The following ANO6 variants were observed in gnomAD, a reference collection of about 807,000 sequenced individuals.
ANO6 encodes anoctamin-6.
ANO6 carries 106 observed loss-of-function variants against 117.5 expected under a neutral mutation model. The observed-to-expected ratio is 0.90, with a 90% CI of 0.77 to 1.06. The LOEUF (loss-of-function observed/expected upper bound fraction) is 1.06, where lower values mean the gene tolerates loss of function less well. Ranked by LOEUF, ANO6 falls within the 50% of genes least tolerant of loss-of-function variation. The probability of loss-of-function intolerance (pLI) is 0.00; values close to 1 mark genes in which losing one functional copy is unlikely to be tolerated. For synonymous variants in ANO6, 367 were observed against 385.1 expected (o/e 0.95, Z 0.55); for missense variants, 955 against 1,121.1 (o/e 0.85, Z 2.12).
chr12:45,435,874 T>G (rs1180163626), downstream of ANO6, among the ~76,000 whole-genome samples: 1 of 152,162 alleles, frequency 6.6e-6, no homozygotes, highest in Non-Finnish European at 1.5e-5. Flanking sequence ...CTTCATAAAT[T>G]TTAGCAAGTT....
intron 1 of ANO6, among the ~76,000 whole-genome samples, chr12:45,242,369 A>T (rs971110746): frequency 6.6e-6 from 1 of 152,236 alleles, no homozygotes. Context: ...TGGCCGTGGG[A>T]CCTGCCAAGC....
intron 2 of ANO6, among the ~76,000 whole-genome samples, chr12:45,322,056 G>C (rs759287350): frequency 6.6e-6 from 1 of 152,098 alleles, no homozygotes; most frequent in Non-Finnish European, 1.5e-5. Flanking sequence ...TACCCACCAT[G>C]ACTTTTGCAC....
rs545655824 is a variant in ANO6, at chr12:45,253,383, A to G, written c.70+36992A>G. ...GAATTCAGAATTCTTAAATGTATAA[A>G]GTTATTCATTGTTTTAAATAGTTTA... On this transcript the variant is annotated intron_variant, in intron 1 of 19. Coordinates refer to ENST00000320560, the MANE Select transcript of ANO6 (RefSeq NM_001025356.3). Among the ~76,000 whole-genome samples the G allele has an allele frequency of 1.9e-3, 297 of 152,342 alleles. 1 individual carries two copies. The highest frequency in any genetic ancestry group is 6.8e-3 in the African/African-American group (281 of 41,574).
chr12:45,262,671 G>T (rs549293160), intron 1 of ANO6, among the ~76,000 whole-genome samples: 5 of 152,074 alleles, frequency 3.3e-5, no homozygotes, highest in African/African-American at 1.2e-4. Context: ...TGATCTGCCC[G>T]GCTCGGCCTC....
intron 3 of ANO6, among the ~76,000 whole-genome samples, chr12:45,340,749 C>T (rs1291544651): frequency 2.0e-5 from 3 of 152,044 alleles, no homozygotes; most frequent in Non-Finnish European, 4.4e-5. Flanking sequence ...ACAGCTCTAC[C>T]CTAATTTTTT....
In ANO6 at chr12:45,405,415, G is replaced by A. The variant is rs79619502; in HGVS notation, c.1880+1879G>A. On this transcript the variant is annotated intron_variant, in intron 15 of 19. Transcript: ENST00000320560. ...TTTTAAAGGATGAATTATACTATCC[G>A]TGGTTTATACTTTCACTTCAAGTAA... 9.5e-3 allele frequency among the ~76,000 whole-genome samples: 1,439 copies of A among 152,216 alleles called. 27 individuals carry two copies. Among genetic ancestry groups the A allele is most frequent in the African/African-American group, 0.033 (1,350 of 41,518 alleles).
At chr12:45,245,383 C>T (rs1339728230) in intron 1 of ANO6, among the ~76,000 whole-genome samples, 1 of 150,530 alleles carries the variant, frequency 6.6e-6, no homozygotes, top group African/African-American at 2.4e-5. Flanking sequence ...AGGCATAAGA[C>T]ATTTTCTATT....
Position 45,431,789 on chromosome 12 carries a change from C to G in ANO6, c.*2478C>G, listed in dbSNP as rs1387338891. On this transcript the variant is annotated 3_prime_UTR_variant, in exon 20 of 20. Coordinates refer to ENST00000320560, the MANE Select transcript of ANO6 (RefSeq NM_001025356.3). ...GAAATTGATGGGTGTGGCAGTGGAC[C>G]TGTGAAGAGGGAGAATCTAGCCTTC... is the stretch of plus-strand genomic sequence containing the variant. The G allele has an allele frequency of 5.1e-6, 5 of 985,424 alleles. No individual in the cohort carries two copies. The highest frequency in any genetic ancestry group is 3.6e-6 in the Non-Finnish European group (3 of 829,930). 61.0% of individuals were successfully genotyped at this position (985,424 alleles called of 1,614,324 possible).
chr12:45,439,696 C>T, exon 20 of ANO6: 1 of 1,454,242 alleles, frequency 6.9e-7, no homozygotes, highest in Non-Finnish European at 9.2e-7. Flanking sequence ...GTTGCCCAGG[C>T]TGGGACACAG....
intron 2 of ANO6, among the ~76,000 whole-genome samples, chr12:45,325,975 C>T (rs1378816564): frequency 6.6e-6 from 1 of 152,156 alleles, no homozygotes; most frequent in African/African-American, 2.4e-5. Flanking sequence ...CATATTTCCT[C>T]TACCCTTTTT....
intron 16 of ANO6, among the ~76,000 whole-genome samples, chr12:45,415,969 A>G (rs1012085338): frequency 6.6e-6 from 1 of 152,146 alleles, no homozygotes; most frequent in East Asian, 1.9e-4. Context: ...ACTTACCCCA[A>G]AATCTCTGCT....
chr12:45,350,094 A>G (rs1245327978), intron 6 of ANO6, among the ~76,000 whole-genome samples: 1 of 152,208 alleles, frequency 6.6e-6, no homozygotes, highest in African/African-American at 2.4e-5. Flanking sequence ...GAGTCAGAAA[A>G]AAAGGCAACT....
downstream of ANO6, among the ~76,000 whole-genome samples, chr12:45,435,502 G>C (rs554466562): frequency 2.3e-4 from 35 of 152,276 alleles, no homozygotes; most frequent in South Asian, 7.0e-3. Context: ...TTTGTCATCT[G>C]TGAACCAGAG....
chr12:45,317,692 G>C (rs913085390), intron 2 of ANO6, among the ~76,000 whole-genome samples: 23 of 152,146 alleles, frequency 1.5e-4, no homozygotes, highest in African/African-American at 3.6e-4. Flanking sequence ...CTGAGGAATC[G>C]CCACACTGAC....
intron 1 of ANO6, among the ~76,000 whole-genome samples, chr12:45,224,993 C>A (rs1225548033): frequency 1.3e-5 from 2 of 152,168 alleles, no homozygotes; most frequent in Non-Finnish European, 2.9e-5. Context: ...GAGTTTGAAA[C>A]CAGCCTGGGA....
At chr12:45,407,402 T>C (rs369525641) in intron 15 of ANO6, among the ~76,000 whole-genome samples, 2 of 131,524 alleles carry the variant, frequency 1.5e-5, no homozygotes, top group East Asian at 2.3e-4. Flanking sequence ...TATAAACAAA[T>C]AGAAACCACA....
At chr12:45,253,494 T>C (rs1325143149) in intron 1 of ANO6, among the ~76,000 whole-genome samples, 1 of 152,232 alleles carries the variant, frequency 6.6e-6, no homozygotes, top group Non-Finnish European at 1.5e-5. Context: ...TTTTTAAATA[T>C]ATCTAAATCT....
intron 1 of ANO6, among the ~76,000 whole-genome samples, chr12:45,247,818 C>A (rs908659215): frequency 2.1e-4 from 32 of 152,190 alleles, no homozygotes; most frequent in African/African-American, 7.5e-4. Flanking sequence ...CATCTAATCC[C>A]AATGACCTTC....
intron 2 of ANO6, among the ~76,000 whole-genome samples, chr12:45,312,744 A>G (rs1157347921): frequency 6.6e-6 from 1 of 152,056 alleles, no homozygotes; most frequent in Non-Finnish European, 1.5e-5. Flanking sequence ...CCTTCTCCCA[A>G]GTCACTCTTT....
Sources: gnomAD v4.1 joint callset for allele counts (sites outside exome capture counted in the v4.1 genomes callset) on GRCh38, gnomAD v4.1.1 for gene constraint, MANE v1.5 for transcripts, NCBI Gene and HGNC (gene_info 2026-07-23, HGNC 2026-07-21) for gene names.